Variants in BROX observed in about 807,000 individuals in gnomAD.
The protein encoded by BROX is BRO1 domain and CAAX motif containing, also known as BRO1 domain-containing protein BROX.
A neutral mutation model predicts 61.0 loss-of-function variants in BROX; 53 were observed. That is an observed-to-expected ratio of 0.87 (90% CI 0.70 to 1.09). BROX has a LOEUF of 1.09. Ranked by LOEUF, BROX falls within the 50% of genes least tolerant of loss-of-function variation. The pLI is 0.00. For missense variants in BROX, 489 were observed against 472.0 expected (o/e 1.04, Z -0.33); for synonymous variants, 152 against 160.2 (o/e 0.95, Z 0.38).
rs1571950824 is a variant in BROX at position 222,712,703 on chromosome 1, G to A, written c.-256G>A. 7.7e-7 allele frequency: 1 copy of A among 1,291,674 alleles called. No homozygotes were observed. Among genetic ancestry groups the A allele is most frequent in the African/African-American group, 1.5e-5 (1 of 66,038 alleles). 80.0% of individuals were successfully genotyped at this position (1,291,674 alleles called of 1,614,324 possible). A position where few individuals can be genotyped will look rare whatever the true frequency, so the allele number is the denominator to read the frequency against. ...GAGAAGTTAGAAAGGGATGATGAAC[G>A]AAGCGTTTTGAGGGGACTGCAACGC... On this transcript the variant is annotated 5_prime_UTR_variant, in exon 1 of 13. Coordinates refer to ENST00000340934, the MANE Select transcript of BROX (RefSeq NM_144695.4).
chr1:222,733,076 C>CTTTTTTTTTTTTTTTTTTTTTTTTTCT lies in BROX; in HGVS notation c.*383_*384insTTTTCTTTTTTTTTTTTTTTTTTTTTT, dbSNP rs1204871063. ...TTTTTTCTTTTTCTTTTTTTTTTTT[C>CTTTTTTTTTTTTTTTTTTTTTTTTTCT]TTTTTTTTTTTTTTTTTTTTTGAGG... On this transcript the variant is annotated 3_prime_UTR_variant, in exon 13 of 13. Transcript: ENST00000340934. The CTTTTTTTTTTTTTTTTTTTTTTTTTCT allele has an allele frequency of 2.6e-5, 2 of 75,976 alleles. No individual in the cohort carries two copies. Among genetic ancestry groups the CTTTTTTTTTTTTTTTTTTTTTTTTTCT allele is most frequent in the African/African-American group, 1.1e-4 (2 of 18,266 alleles). The allele number at this position is 75,976 out of a possible 1,614,324, so 4.7% of individuals were successfully genotyped here. A position where few individuals can be genotyped will look rare whatever the true frequency, so the allele number is the denominator to read the frequency against.
chr1:222,726,895 T>C (rs1390145597), intron 7 of BROX, among the ~76,000 whole-genome samples: 1 of 152,092 alleles, frequency 6.6e-6, no homozygotes, highest in Non-Finnish European at 1.5e-5. Context: ...AAAAAAAGAA[T>C]TTGCTGTTAG....
intron 1 of BROX, among the ~76,000 whole-genome samples, chr1:222,714,173 A>G (rs1656340212): frequency 1.3e-5 from 2 of 150,120 alleles, no homozygotes; most frequent in African/African-American, 4.9e-5. Flanking sequence ...TATCTGCTGC[A>G]CTACCTACCC....
Position 222,728,920 on chromosome 1 carries a change from G to A in BROX, c.756+92G>A. 3.5e-6 allele frequency: 3 copies of A among 858,474 alleles called. No homozygotes were observed. In the South Asian group the frequency reaches 6.6e-5, roughly 19 times the overall value. 53.2% of individuals were successfully genotyped at this position (858,474 alleles called of 1,614,324 possible). A position where few individuals can be genotyped will look rare whatever the true frequency, so the allele number is the denominator to read the frequency against. On this transcript the variant is annotated intron_variant, in intron 9 of 12. Coordinates refer to ENST00000340934, the MANE Select transcript of BROX (RefSeq NM_144695.4). Reference sequence around the variant, plus strand: ...CTCATCTCACCAGAGTCTTTCATTAGCATTTTACAAATAATGGACAGCTAA... The same window carrying A: ...CTCATCTCACCAGAGTCTTTCATTAACATTTTACAAATAATGGACAGCTAA...
At chr1:222,728,672 A>G in intron 8 of BROX, 71 bp from the exon 9 acceptor site, 1 of 962,080 alleles carries the variant, frequency 1.0e-6, no homozygotes, top group Non-Finnish European at 1.6e-6. Context: ...TTATCATCAG[A>G]ACACATGAAC....
At chr1:222,722,044 A>G (rs549619313) in intron 4 of BROX, among the ~76,000 whole-genome samples, 2 of 152,286 alleles carry the variant, frequency 1.3e-5, no homozygotes, top group South Asian at 4.1e-4. Context: ...AATGTTGTAT[A>G]AGAGCCACAC....
Position 222,713,410 on chromosome 1 carries a change from C to T in BROX, c.-17+468C>T, listed in dbSNP as rs1007515788. The T allele has an allele frequency of 2.8e-5, 28 of 984,966 alleles. No individual in the cohort carries two copies. The South Asian group carries it at 4.2e-4, about 15-fold the overall frequency. The allele number at this position is 984,966 out of a possible 1,614,324, so 61.0% of individuals were successfully genotyped here. Reference sequence around the variant, plus strand: ...GTGGGCGCTCAGAGCTCGGGGGCGGCGCTCAGGTAGGTTCCTCTGGGGACT... The same window carrying T: ...GTGGGCGCTCAGAGCTCGGGGGCGGTGCTCAGGTAGGTTCCTCTGGGGACT... On this transcript the variant is annotated intron_variant, in intron 1 of 12. Coordinates refer to ENST00000340934, the MANE Select transcript of BROX (RefSeq NM_144695.4).
chr1:222,712,998 A>C (rs1656173854), intron 1 of BROX, 56 bp downstream of exon 1: 1 of 1,172,948 alleles, frequency 8.5e-7, no homozygotes, highest in East Asian at 6.1e-5. Flanking sequence ...ACTTCCCCGG[A>C]GTCTCAAGCA....
At chr1:222,713,194 A>G (rs1571952162) in intron 1 of BROX, 3 of 980,610 alleles carry the variant, frequency 3.1e-6, no homozygotes, top group African/African-American at 1.7e-5. Context: ...TGGAGAGCTT[A>G]TAATACAAGC....
Position 222,734,222 on chromosome 1 carries a change from C to G in BROX, c.*1508C>G, listed in dbSNP as rs1234062812. On this transcript the variant is annotated 3_prime_UTR_variant, in exon 13 of 13. Transcript: ENST00000340934. The stretch of plus-strand genomic sequence containing the variant: ...CTATTATAAGTGACAGATTGACTCA[C>G]TTAATATAAATAAGTAGCATACACT... 1 of 152,192 alleles carries G rather than the reference C, an allele frequency of 6.6e-6. No homozygotes were observed. Among genetic ancestry groups the G allele is most frequent in the Non-Finnish European group, 1.5e-5 (1 of 68,020 alleles). The allele number at this position is 152,192 out of a possible 1,614,324, so 9.4% of individuals were successfully genotyped here.
rs1245008767 is a variant in BROX at position 222,733,874 on chromosome 1, TAAATG to T, written c.*1162_*1166del. Reference sequence around the variant, plus strand: ...TGATGTAAAGAAAAAACTTTAAACTTAAATGAGTAGGTTGTCCTGAATTACACTGG... The same window carrying T: ...TGATGTAAAGAAAAAACTTTAAACTTAGTAGGTTGTCCTGAATTACACTGG... On this transcript the variant is annotated 3_prime_UTR_variant, in exon 13 of 13. Coordinates refer to ENST00000340934, the MANE Select transcript of BROX (RefSeq NM_144695.4). 6.6e-6 allele frequency: 1 copy of T among 152,196 alleles called. No individual in the cohort carries two copies. The highest frequency in any genetic ancestry group is 2.4e-5 in the African/African-American group (1 of 41,454). The allele number at this position is 152,196 out of a possible 1,614,324, so 9.4% of individuals were successfully genotyped here. A position where few individuals can be genotyped will look rare whatever the true frequency, so the allele number is the denominator to read the frequency against.
rs1657653803 is a variant in BROX, at chr1:222,728,201, C to T, written c.671-542C>T. ...AGTAATAGGCTAACTTAACTTAGCACTTAAGAAATTCTTAAAGTTTATGAA... is the reference window on the plus strand; with the variant it reads ...AGTAATAGGCTAACTTAACTTAGCATTTAAGAAATTCTTAAAGTTTATGAA... On this transcript the variant is annotated intron_variant, in intron 8 of 12. Transcript: ENST00000340934. 2.6e-5 allele frequency among the ~76,000 whole-genome samples: 4 copies of T among 152,064 alleles called. No individual in the cohort carries two copies. The South Asian group carries it at 6.2e-4, about 24-fold the overall frequency.
Position 222,713,092 on chromosome 1 carries a change from G to T in BROX, c.-17+150G>T, listed in dbSNP as rs1656187119. 3.9e-6 allele frequency: 4 copies of T among 1,019,758 alleles called. No homozygotes were observed. The South Asian group carries it at 1.3e-4, about 33-fold the overall frequency. The allele number at this position is 1,019,758 out of a possible 1,614,324, so 63.2% of individuals were successfully genotyped here. ...CTCCTTCTAGTGCCTTGAAACAAACGACAGAAAGAAAATCCATATTGGTCA... is the reference window on the plus strand; with the variant it reads ...CTCCTTCTAGTGCCTTGAAACAAACTACAGAAAGAAAATCCATATTGGTCA... On this transcript the variant is annotated intron_variant, in intron 1 of 12. Coordinates refer to ENST00000340934, the MANE Select transcript of BROX (RefSeq NM_144695.4).
rs1215134893 is a variant in BROX, at chr1:222,732,745, A to C, written c.*31A>C. ...AACTTGCACTTAGAATTTCTCTAGC[A>C]GTAAATAAGATAAACCACAGAATTT... On this transcript the variant is annotated 3_prime_UTR_variant, in exon 13 of 13. Coordinates refer to ENST00000340934, the MANE Select transcript of BROX (RefSeq NM_144695.4). 1 of 1,515,790 alleles carries C rather than the reference A, an allele frequency of 6.6e-7. No individual in the cohort carries two copies. The allele number at this position is 1,515,790 out of a possible 1,614,324, so 93.9% of individuals were successfully genotyped here. A position where few individuals can be genotyped will look rare whatever the true frequency, so the allele number is the denominator to read the frequency against.
rs1658119251 is a variant in BROX at position 222,733,770 on chromosome 1, A to G, written c.*1056A>G. ...TCTAGTGGGTTTTTTACTTAGAGGAAAGAACTTTGTAATAGCTCTTAATGT... is the reference window on the plus strand; with the variant it reads ...TCTAGTGGGTTTTTTACTTAGAGGAGAGAACTTTGTAATAGCTCTTAATGT... On this transcript the variant is annotated 3_prime_UTR_variant, in exon 13 of 13. Transcript: ENST00000340934. 6.6e-6 allele frequency: 1 copy of G among 152,214 alleles called. No homozygotes were observed. Among genetic ancestry groups the G allele is most frequent in the Admixed American group, 6.5e-5 (1 of 15,278 alleles). 9.4% of individuals were successfully genotyped at this position (152,214 alleles called of 1,614,324 possible).
At chr1:222,727,320 A>G in intron 8 of BROX, 63 bp downstream of exon 8, 1 of 1,214,562 alleles carries the variant, frequency 8.2e-7, no homozygotes, top group Non-Finnish European at 1.2e-6. Context: ...TTTGATCTTG[A>G]ATAGGGAACA....
intron 7 of BROX, among the ~76,000 whole-genome samples, chr1:222,726,946 G>A (rs763246093): frequency 6.6e-6 from 1 of 152,134 alleles, no homozygotes; most frequent in Non-Finnish European, 1.5e-5. Context: ...TGATTAGCTG[G>A]TAATTTGCTG....
intron 7 of BROX, 115 bp from the exon 8 acceptor site, chr1:222,727,053 C>A: frequency 1.3e-6 from 1 of 751,000 alleles, no homozygotes. Flanking sequence ...AAACGTTTAA[C>A]AAACTGTATT....
Position 222,724,143 on chromosome 1 carries a change from T to G in BROX, c.453T>G (p.Ala151=), listed in dbSNP as rs890244078. The stretch of plus-strand genomic sequence containing the variant: ...TTCATCGAAGCCTAAAGATTGCAGC[T>G]GGGATTTTTAAACATTTAAAGGTAA... ...KEVHRSLKIA[A]GIFKHLKESH... The change falls in exon 6 of 13, where the codon GCT becomes GCG. Residue 151 remains alanine, a synonymous_variant. Transcript: ENST00000340934. 6.2e-7 allele frequency: 1 copy of G among 1,611,588 alleles called. No homozygotes were observed. The highest frequency in any genetic ancestry group is 1.3e-5 in the African/African-American group (1 of 74,950).
Sources: gnomAD v4.1 joint callset for allele counts (sites outside exome capture counted in the v4.1 genomes callset) on GRCh38, gnomAD v4.1.1 for gene constraint, MANE v1.5 for transcripts, NCBI Gene and HGNC (gene_info 2026-07-23, HGNC 2026-07-21) for gene names.